The following ZNF664 variants were observed in gnomAD, a reference collection of about 807,000 sequenced individuals.
The protein encoded by ZNF664 is zinc finger Organ of Corti 1.
Under a neutral mutation model 18.2 loss-of-function variants are expected in ZNF664, and 10 were observed. That is an observed-to-expected ratio of 0.55 (90% CI 0.34 to 0.93). The LOEUF (loss-of-function observed/expected upper bound fraction) is 0.93, where lower values mean the gene tolerates loss of function less well. Among genes scored for constraint, ZNF664 ranks in the 40% least tolerant of loss-of-function variants. The pLI is 0.02. For synonymous variants in ZNF664, 119 were observed against 104.2 expected (o/e 1.14, Z -0.86); for missense variants, 193 against 319.0 (o/e 0.61, Z 3.01).
chr12:123,978,713 G>A (rs533697144), intron 2 of ZNF664, among the ~76,000 whole-genome samples: 3 of 152,090 alleles, frequency 2.0e-5, no homozygotes, highest in South Asian at 2.1e-4. Context: ...AATGACAAAC[G>A]TTTTTAATGG....
chr12:123,988,581 G>T (rs1011915629), intron 3 of ZNF664, among the ~76,000 whole-genome samples: 1 of 151,398 alleles, frequency 6.6e-6, no homozygotes, highest in African/African-American at 2.4e-5. Context: ...TAAATTTCTG[G>T]TGTTTTTTTT....
rs1284829286 is a variant in ZNF664 at position 123,973,251 on chromosome 12, C to T, written c.-993C>T. ...CGGAGGCGTCTGGGTGTGCGGAGCG[C>T]GCGCGCGCGCGGCTCGGAGGCGCAC... On this transcript the variant is annotated 5_prime_UTR_variant, in exon 1 of 5. Transcript: ENST00000337815. 7.5e-5 allele frequency: 74 copies of T among 990,462 alleles called. No homozygotes were observed. The highest frequency in any genetic ancestry group is 8.4e-5 in the Non-Finnish European group (70 of 835,022). 61.4% of individuals were successfully genotyped at this position (990,462 alleles called of 1,614,324 possible). A position where few individuals can be genotyped will look rare whatever the true frequency, so the allele number is the denominator to read the frequency against.
chr12:123,980,925 A>G (rs1956757683), intron 2 of ZNF664, among the ~76,000 whole-genome samples: 2 of 152,218 alleles, frequency 1.3e-5, no homozygotes, highest in African/African-American at 2.4e-5. Context: ...GCAAATAGAC[A>G]TGAGCACTTT....
intron 2 of ZNF664, among the ~76,000 whole-genome samples, chr12:123,978,132 A>C (rs985962620): frequency 3.3e-5 from 5 of 152,200 alleles, no homozygotes; most frequent in African/African-American, 1.2e-4. Context: ...TTAGTGTATT[A>C]GACTACATAA....
At chr12:123,979,528 G>C (rs999528208) in intron 2 of ZNF664, among the ~76,000 whole-genome samples, 2 of 152,174 alleles carry the variant, frequency 1.3e-5, no homozygotes, top group South Asian at 2.1e-4. Flanking sequence ...ACACTTCAAG[G>C]AATCTGTGCT....
intron 2 of ZNF664, among the ~76,000 whole-genome samples, chr12:123,982,738 G>A (rs574111962): frequency 2.6e-5 from 4 of 152,344 alleles, no homozygotes; most frequent in South Asian, 2.1e-4. Flanking sequence ...CAGGAGAGAC[G>A]TCCTGGAAGT....
At chr12:124,002,952 G>T (rs1957030604) in intron 3 of ZNF664, among the ~76,000 whole-genome samples, 1 of 152,168 alleles carries the variant, frequency 6.6e-6, no homozygotes, top group Non-Finnish European at 1.5e-5. Flanking sequence ...CAGAAGAGAG[G>T]TCAGCAGTAA....
At chr12:123,978,832 T>C (rs1956726537) in intron 2 of ZNF664, among the ~76,000 whole-genome samples, 1 of 152,214 alleles carries the variant, frequency 6.6e-6, no homozygotes, top group South Asian at 2.1e-4. Flanking sequence ...TGGAGCAAAG[T>C]AGAATCCAGT....
At chr12:123,989,579 G>A (rs1343928908) in intron 3 of ZNF664, 1 of 152,222 alleles carries the variant, frequency 6.6e-6, no homozygotes, top group Non-Finnish European at 1.5e-5. Context: ...ATGGAATGCT[G>A]CATTGGAAAT....
At chr12:123,973,711 C>G in intron 1 of ZNF664, 175 bp from the exon 2 acceptor site, 1 of 1,126,790 alleles carries the variant, frequency 8.9e-7, no homozygotes, top group Non-Finnish European at 1.1e-6. Flanking sequence ...AGCCAGGCTC[C>G]ATTGTTGTTG....
In ZNF664 at chr12:123,987,816, A is replaced by C. The variant is rs574314327; in HGVS notation, c.-756-227A>C. 1.6e-4 allele frequency among the ~76,000 whole-genome samples: 24 copies of C among 152,316 alleles called. No homozygotes were observed. In the South Asian group the frequency reaches 1.9e-3, roughly 12 times the overall value. On this transcript the variant is annotated intron_variant, in intron 2 of 4. Coordinates refer to ENST00000337815, the MANE Select transcript of ZNF664 (RefSeq NM_152437.3). The stretch of plus-strand genomic sequence containing the variant: ...CCTATATCTTGGAGGGAAGTTGTGC[A>C]GAGTGCCTGGATTTTCCTTTCTGTG...
rs1050775724 is a variant in ZNF664, at chr12:124,014,463, A to G, written c.*1533A>G. 1.0e-4 allele frequency: 17 copies of G among 167,138 alleles called. No homozygotes were observed. The highest frequency in any genetic ancestry group is 3.9e-4 in the African/African-American group (16 of 41,474). 10.4% of individuals were successfully genotyped at this position (167,138 alleles called of 1,614,324 possible). A position where few individuals can be genotyped will look rare whatever the true frequency, so the allele number is the denominator to read the frequency against. ...AAACTCATGTGGAGGAACTCAAGGA[A>G]TGTTTAGAAGACCAAAAGTCCCCAA... On this transcript the variant is annotated 3_prime_UTR_variant, in exon 5 of 5. Coordinates refer to ENST00000337815, the MANE Select transcript of ZNF664 (RefSeq NM_152437.3).
At chr12:124,006,750 G>A (rs868794211) in intron 3 of ZNF664, among the ~76,000 whole-genome samples, 2 of 152,198 alleles carry the variant, frequency 1.3e-5, no homozygotes, top group African/African-American at 4.8e-5. Context: ...AGTGTGAGTC[G>A]AGTGCACAGG....
chr12:123,976,349 G>C (rs1956691480), intron 2 of ZNF664, among the ~76,000 whole-genome samples: 1 of 152,202 alleles, frequency 6.6e-6, no homozygotes, highest in African/African-American at 2.4e-5. Flanking sequence ...GAGGAAAGTG[G>C]GGGATAATTT....
intron 2 of ZNF664, among the ~76,000 whole-genome samples, chr12:123,987,302 AAAGTG>A: frequency 6.6e-6 from 1 of 152,310 alleles, no homozygotes; most frequent in Non-Finnish European, 1.5e-5. Flanking sequence ...CTCCCAGGGG[AAAGTG>A]AAGTTCCCCA....
intron 2 of ZNF664, among the ~76,000 whole-genome samples, chr12:123,987,338 G>A (rs189563798): frequency 6.6e-6 from 1 of 152,324 alleles, no homozygotes; most frequent in Admixed American, 6.5e-5. Flanking sequence ...TAGATCTTGA[G>A]ATCTATACCT....
chr12:124,007,628 A>G (rs559073940), intron 3 of ZNF664, among the ~76,000 whole-genome samples: 5 of 152,152 alleles, frequency 3.3e-5, no homozygotes, highest in East Asian at 1.9e-4. Context: ...TTGCCCCTCT[A>G]TGCGGTGGTC....
At chr12:123,988,766 AT>A (rs11346525) in intron 3 of ZNF664, among the ~76,000 whole-genome samples, 49,066 of 151,332 alleles carry the variant, frequency 0.32, 8,125 homozygotes, top group Middle Eastern at 0.37. Flanking sequence ...TTTTTTAAAG[AT>A]TTTTTTTTCC....
chr12:124,010,145 C>A (rs1027189568), intron 3 of ZNF664, among the ~76,000 whole-genome samples: 5 of 152,120 alleles, frequency 3.3e-5, no homozygotes, highest in African/African-American at 1.2e-4. Flanking sequence ...AGGATAGATG[C>A]AAACATAATT....
Sources: allele counts gnomAD v4.1 joint callset (sites outside exome capture counted in the v4.1 genomes callset), GRCh38; gene constraint gnomAD v4.1.1; transcripts MANE v1.5; gene names NCBI Gene and HGNC (gene_info 2026-07-23, HGNC 2026-07-21).